PACS2: variants seen among roughly 807,000 people sequenced by gnomAD.
The protein encoded by PACS2 is phosphofurin acidic cluster sorting protein 2, also known as PACS1-like protein.
In PACS2, 36 loss-of-function variants were observed where a neutral mutation model predicts 113.0. The observed-to-expected ratio is 0.32, with a 90% confidence interval of 0.24 to 0.42. The LOEUF (loss-of-function observed/expected upper bound fraction) is 0.42, where lower values mean the gene tolerates loss of function less well. Among genes scored for constraint, PACS2 ranks in the 10% least tolerant of loss-of-function variants. The probability of loss-of-function intolerance (pLI) is 1.00; values close to 1 mark genes in which losing one functional copy is unlikely to be tolerated. For synonymous variants in PACS2, 589 were observed against 536.1 expected, an observed-to-expected ratio of 1.10 and a Z score of -1.36; for missense variants, 1,015 against 1,239.5, an observed-to-expected ratio of 0.82 and a Z score of 2.72.
chr14:105,303,532 C>G (rs759442529), intron 1 of PACS2, among the ~76,000 whole-genome samples: 3 of 152,200 alleles, frequency 2.0e-5, no homozygotes, highest in Non-Finnish European at 4.4e-5. Flanking sequence ...CGTGAGCCAT[C>G]GCGCCTGGCC....
Position 105,340,396 on chromosome 14 carries a change from G to T in PACS2, c.120-8097G>T, listed in dbSNP as rs1279645498. ...GGGAGTGGGATGGATTAAAGCAGTGGTCCCCAACCTTTTTGCCGCCAGGGA... is the reference window on the plus strand; with the variant it reads ...GGGAGTGGGATGGATTAAAGCAGTGTTCCCCAACCTTTTTGCCGCCAGGGA... On this transcript the variant is annotated intron_variant, in intron 1 of 24. Transcript: ENST00000447393. This position sits in a 1 kb window ranked among gnomAD's most constrained non-coding sequence, Gnocchi z 4.2. Among the ~76,000 whole-genome samples the T allele has an allele frequency of 6.6e-6, 1 of 152,216 alleles. No individual in the cohort carries two copies. Among genetic ancestry groups the T allele is most frequent in the African/African-American group, 2.4e-5 (1 of 41,454 alleles).
chr14:105,389,872 C>G, intron 19 of PACS2, 89 bp from the exon 20 acceptor site: 1 of 1,218,166 alleles, frequency 8.2e-7, no homozygotes, highest in South Asian at 1.2e-5. Flanking sequence ...CCCAGGGCTG[C>G]GCCAGGTTCT....
chr14:105,348,413 G>A lies in PACS2; in HGVS notation c.120-80G>A. ...ACCCCAGGGTGCAGGCTCCCGGGGT[G>A]ACACAGTGCTGGGACGGCACAGGGC... On this transcript the variant is annotated intron_variant, in intron 1 of 24. Transcript: ENST00000447393. This position sits in a 1 kb window ranked among gnomAD's most constrained non-coding sequence, Gnocchi z 6.4. 8.9e-7 allele frequency: 1 copy of A among 1,120,304 alleles called. No homozygotes were observed. Among genetic ancestry groups the A allele is most frequent in the Non-Finnish European group, 1.3e-6 (1 of 755,490 alleles). The allele number at this position is 1,120,304 out of a possible 1,614,324, so 69.4% of individuals were successfully genotyped here. A position where few individuals can be genotyped will look rare whatever the true frequency, so the allele number is the denominator to read the frequency against.
intron 21 of PACS2, 119 bp from the exon 22 acceptor site, chr14:105,391,512 T>TTCCCCCCCCCCCCCCC: frequency 3.3e-6 from 2 of 611,324 alleles, no homozygotes; most frequent in African/African-American, 1.8e-5. Context: ...CACTGGGGAC[T>TTCCCCCCCCCCCCCCC]CCCACCCTGC....
Position 105,376,216 on chromosome 14 carries a change from T to C in PACS2, c.802-552T>C, listed in dbSNP as rs587752213. On this transcript the variant is annotated intron_variant, in intron 8 of 24. Transcript: ENST00000447393. This position sits in a 1 kb window ranked among gnomAD's most constrained non-coding sequence, Gnocchi z 4.7. The stretch of plus-strand genomic sequence containing the variant: ...ATTACAATTCAAGGTGAGACTTGGG[T>C]GGGGACACAGTGGAACATGAAGTGT... Among the ~76,000 whole-genome samples the C allele has an allele frequency of 1.2e-4, 18 of 151,348 alleles. No individual in the cohort carries two copies. The highest frequency in any genetic ancestry group is 2.1e-4 in the South Asian group (1 of 4,768).
At chr14:105,392,190 C>A (rs587685908) in intron 22 of PACS2, 5 of 321,122 alleles carry the variant, frequency 1.6e-5, no homozygotes, top group African/African-American at 1.1e-4. Context: ...TGGAACTAAG[C>A]CATGGGGGGT....
chr14:105,382,670 G>C, intron 14 of PACS2, 89 bp downstream of exon 14: 1 of 988,450 alleles, frequency 1.0e-6, no homozygotes, highest in Non-Finnish European at 1.6e-6. Flanking sequence ...GGCACACCTG[G>C]GTGCTGGAGC....
intron 19 of PACS2, chr14:105,389,637 C>T (rs587644245): frequency 1.6e-5 from 6 of 382,726 alleles, no homozygotes; most frequent in East Asian, 9.4e-5. Context: ...GCGTCGGGCA[C>T]CTAGGATGGC....
intron 1 of PACS2, among the ~76,000 whole-genome samples, chr14:105,335,011 G>A (rs1264295430): frequency 6.6e-6 from 1 of 152,230 alleles, no homozygotes; most frequent in East Asian, 1.9e-4. Context: ...GGACGTGTAG[G>A]AACATGGAAT....
chr14:105,396,809 T>G lies in PACS2; in HGVS notation c.*2137T>G, dbSNP rs1017664360. The G allele has an allele frequency of 3.9e-5, 6 of 152,368 alleles. No homozygotes were observed. Among genetic ancestry groups the G allele is most frequent in the African/African-American group, 1.4e-4 (6 of 41,446 alleles). 9.4% of individuals were successfully genotyped at this position (152,368 alleles called of 1,614,324 possible). A position where few individuals can be genotyped will look rare whatever the true frequency, so the allele number is the denominator to read the frequency against. ...TGAGTCACCGCGTCCTGCCTGCTCT[T>G]CCTGTTTCTTTCCCAAGGGTCACAC... On this transcript the variant is annotated 3_prime_UTR_variant, in exon 25 of 25. Coordinates refer to ENST00000447393, the MANE Select transcript of PACS2 (RefSeq NM_001100913.3).
Position 105,324,577 on chromosome 14 carries a change from T to C in PACS2, c.119+9540T>C, listed in dbSNP as rs1486620703. Among the ~76,000 whole-genome samples, 4 of 152,070 alleles carry C rather than the reference T, an allele frequency of 2.6e-5. No individual in the cohort carries two copies. Among genetic ancestry groups the C allele is most frequent in the Admixed American group, 2.6e-4 (4 of 15,280 alleles). On this transcript the variant is annotated intron_variant, in intron 1 of 24. Transcript: ENST00000447393. This position sits in a 1 kb window ranked among gnomAD's most constrained non-coding sequence, Gnocchi z 4.7. ...GCGCTGAGAGGCCGTCCCTTTCTGC[T>C]CCGCAGGCGCGCGCCGATGTGTGCT...
rs1188248938 is a variant in PACS2, at chr14:105,357,526, A to G, written c.423+2349A>G. Reference sequence around the variant, plus strand: ...CACCTTCCACTGGCAGCCTGGTCCCAGAACCTAGTTGGGTCCTCCCATGTG... The same window carrying G: ...CACCTTCCACTGGCAGCCTGGTCCCGGAACCTAGTTGGGTCCTCCCATGTG... On this transcript the variant is annotated intron_variant, in intron 4 of 24. Coordinates refer to ENST00000447393, the MANE Select transcript of PACS2 (RefSeq NM_001100913.3). This position sits in a 1 kb window ranked among gnomAD's most constrained non-coding sequence, Gnocchi z 5.1. Among the ~76,000 whole-genome samples, 1 of 152,062 alleles carries G rather than the reference A, an allele frequency of 6.6e-6. No homozygotes were observed. Among genetic ancestry groups the G allele is most frequent in the Non-Finnish European group, 1.5e-5 (1 of 68,018 alleles).
intron 2 of PACS2, among the ~76,000 whole-genome samples, chr14:105,351,938 G>C (rs587772330): frequency 2.6e-4 from 39 of 152,380 alleles, no homozygotes; most frequent in African/African-American, 8.9e-4. Flanking sequence ...CAGGAGGATT[G>C]CTTGAGCCCG....
At chr14:105,362,077 G>T (rs987433361) in intron 4 of PACS2, among the ~76,000 whole-genome samples, 1 of 150,082 alleles carries the variant, frequency 6.7e-6, no homozygotes, top group African/African-American at 2.5e-5. Context: ...GAGCGAGATC[G>T]CACCATTGCA....
intron 1 of PACS2, among the ~76,000 whole-genome samples, chr14:105,327,513 C>T (rs940464826): frequency 2.0e-5 from 3 of 152,074 alleles, no homozygotes; most frequent in Admixed American, 6.5e-5. Context: ...GTGCTGGGGG[C>T]GGGGCCAGGA....
intron 21 of PACS2, 85 bp downstream of exon 21, chr14:105,391,334 C>G: frequency 9.4e-7 from 1 of 1,067,678 alleles, no homozygotes; most frequent in Non-Finnish European, 1.4e-6. Flanking sequence ...CAGACCAGAT[C>G]AACCTTTCAG....
At chr14:105,361,762 C>T (rs1413421265) in intron 4 of PACS2, among the ~76,000 whole-genome samples, 3 of 151,876 alleles carry the variant, frequency 2.0e-5, no homozygotes, top group African/African-American at 4.8e-5. Context: ...CCAGCCTGAC[C>T]AACATGGAGA....
At chr14:105,392,493 G>A in intron 22 of PACS2, 126 bp from the exon 23 acceptor site, 1 of 762,070 alleles carries the variant, frequency 1.3e-6, no homozygotes, top group Non-Finnish European at 2.2e-6. Flanking sequence ...CAAGCACCCG[G>A]CCCTCCTCTG....
intron 1 of PACS2, among the ~76,000 whole-genome samples, chr14:105,320,922 G>A (rs984208448): frequency 6.6e-6 from 1 of 152,230 alleles, no homozygotes; most frequent in African/African-American, 2.4e-5. Context: ...GGAGGCTGAG[G>A]TGGGTGGATT....
Sources: gnomAD v4.1 joint callset for allele counts (sites outside exome capture counted in the v4.1 genomes callset) on GRCh38, gnomAD v4.1.1 for gene constraint, Gnocchi (gnomAD v3.1) non-coding constraint, MANE v1.5 for transcripts, NCBI Gene and HGNC (gene_info 2026-07-23, HGNC 2026-07-21) for gene names.